Variants in PHACTR1 observed in about 807,000 individuals in gnomAD.
The protein encoded by PHACTR1 is phosphatase and actin regulator 1, also known as RPEL repeat containing 1.
Under a neutral mutation model 69.2 loss-of-function variants are expected in PHACTR1, and 16 were observed. The ratio of observed to expected loss-of-function variants is 0.23; its 90% CI spans 0.16 to 0.35. The LOEUF is 0.35. Among genes scored for constraint, PHACTR1 ranks in the 10% least tolerant of loss-of-function variants. The pLI is 1.00. For synonymous variants in PHACTR1, 312 were observed against 284.5 expected, an observed-to-expected ratio of 1.10 and a Z score of -0.97; for missense variants, 510 against 734.7, an observed-to-expected ratio of 0.69 and a Z score of 3.54.
intron 3 of PHACTR1, among the ~76,000 whole-genome samples, chr6:12,726,261 A>C (rs539058069): frequency 5.3e-5 from 8 of 152,162 alleles, no homozygotes; most frequent in Non-Finnish European, 4.4e-5. Context: ...TTGATATAGA[A>C]TAGTCTGGGA....
At chr6:12,768,809 TAC>T (rs4053038) in intron 4 of PHACTR1, among the ~76,000 whole-genome samples, 21,267 of 122,496 alleles carry the variant, frequency 0.17, 1,718 homozygotes, top group Middle Eastern at 0.23. Context: ...ATGTGCTATC[TAC>T]ACACACACAC....
At chr6:12,777,369 G>C (rs968777106) in intron 4 of PHACTR1, among the ~76,000 whole-genome samples, 2 of 151,864 alleles carry the variant, frequency 1.3e-5, no homozygotes, top group African/African-American at 4.8e-5. Context: ...TACCCAATAG[G>C]TAGTTTTTCA....
chr6:12,873,095 G>A (rs753250880), intron 4 of PHACTR1, among the ~76,000 whole-genome samples: 4 of 151,638 alleles, frequency 2.6e-5, no homozygotes, highest in East Asian at 1.9e-4. Context: ...TCACTGCAGC[G>A]TCAACTCCTG....
At chr6:12,854,807 T>C (rs1561948024) in intron 4 of PHACTR1, among the ~76,000 whole-genome samples, 1 of 152,104 alleles carries the variant, frequency 6.6e-6, no homozygotes, top group Non-Finnish European at 1.5e-5. Context: ...TTGACTTGCA[T>C]CAGAGAGATG....
rs747937897 is a variant in PHACTR1 at position 13,025,671 on chromosome 6, T to TTGTGTGTGTATGTG, written c.251-27685_251-27684insATGTGTGTGTGTGT. 3.9e-4 allele frequency among the ~76,000 whole-genome samples: 54 copies of TTGTGTGTGTATGTG among 140,220 alleles called. 1 individual carries two copies. Among genetic ancestry groups the TTGTGTGTGTATGTG allele is most frequent in the African/African-American group, 1.4e-3 (51 of 36,758 alleles). The allele number at this position is 140,220 out of a possible 152,430, so 92.0% of individuals were successfully genotyped here. A position where few individuals can be genotyped will look rare whatever the true frequency, so the allele number is the denominator to read the frequency against. ...CATAACCAGATAAGTCATATATTAT[T>TTGTGTGTGTATGTG]TGTGTGTGTGTGTGTGTGTGTGTGT... On this transcript the variant is annotated intron_variant, in intron 4 of 14. Coordinates refer to ENST00000332995, the MANE Select transcript of PHACTR1 (RefSeq NM_030948.6).
chr6:12,839,376 C>A (rs1778470590), intron 4 of PHACTR1, among the ~76,000 whole-genome samples: 4 of 152,148 alleles, frequency 2.6e-5, no homozygotes. Flanking sequence ...TCATTCCTTC[C>A]CTTCAAGTCA....
At chr6:12,781,532 T>G (rs1401669161) in intron 4 of PHACTR1, among the ~76,000 whole-genome samples, 3 of 152,228 alleles carry the variant, frequency 2.0e-5, no homozygotes, top group African/African-American at 7.2e-5. Flanking sequence ...TCATTAAGCA[T>G]GTCCACTGTT....
At chr6:12,837,426 T>C (rs1371919154) in intron 4 of PHACTR1, among the ~76,000 whole-genome samples, 1 of 125,314 alleles carries the variant, frequency 8.0e-6, no homozygotes, top group Non-Finnish European at 1.7e-5. Flanking sequence ...TTATTTCAAA[T>C]ATTATCTGCC....
At chr6:13,126,526 C>T (rs1819551444) in intron 5 of PHACTR1, among the ~76,000 whole-genome samples, 1 of 152,112 alleles carries the variant, frequency 6.6e-6, no homozygotes, top group African/African-American at 2.4e-5. Context: ...GCCTCTTAGC[C>T]CTAGAACCAA....
intron 4 of PHACTR1, chr6:12,933,882 A>G: frequency 6.2e-7 from 1 of 1,612,506 alleles, no homozygotes; most frequent in Non-Finnish European, 8.5e-7. Context: ...GAGGGGGAAG[A>G]GTTTGGCTGA....
intron 5 of PHACTR1, among the ~76,000 whole-genome samples, chr6:13,079,372 G>T (rs553283036): frequency 6.6e-6 from 1 of 152,096 alleles, no homozygotes; most frequent in Non-Finnish European, 1.5e-5. Flanking sequence ...TTCCATGTGG[G>T]CATATTTACA....
Position 13,224,575 on chromosome 6 carries a change from T to G in PHACTR1, c.987-3241T>G, listed in dbSNP as rs79614464. Among the ~76,000 whole-genome samples, 6 of 152,172 alleles carry G rather than the reference T, an allele frequency of 3.9e-5. No homozygotes were observed. In the East Asian group the frequency reaches 1.2e-3, roughly 29 times the overall value. On this transcript the variant is annotated intron_variant, in intron 8 of 14. Coordinates refer to ENST00000332995, the MANE Select transcript of PHACTR1 (RefSeq NM_030948.6). ...AATGAGAGCCTGTATTTAGAGCAGA[T>G]GTAGGTAATAACTATGTTATAAAAA... is the stretch of plus-strand genomic sequence containing the variant.
At chr6:12,886,217 C>G (rs527835621) in intron 4 of PHACTR1, among the ~76,000 whole-genome samples, 26 of 151,564 alleles carry the variant, frequency 1.7e-4, no homozygotes, top group Admixed American at 1.6e-3. Context: ...AAGCAAACCA[C>G]AAGTGCATAT....
intron 4 of PHACTR1, among the ~76,000 whole-genome samples, chr6:13,037,568 A>G (rs982511139): frequency 1.3e-5 from 2 of 152,196 alleles, no homozygotes; most frequent in Admixed American, 6.5e-5. Flanking sequence ...GGCAGAAATG[A>G]TGGGTTTCTT....
intron 8 of PHACTR1, among the ~76,000 whole-genome samples, chr6:13,225,792 G>GGAGA (rs1302556031): frequency 6.6e-6 from 1 of 152,174 alleles, no homozygotes; most frequent in East Asian, 1.9e-4. Context: ...ACCAAAAAGT[G>GGAGA]GAGAGAGGAA....
chr6:12,897,398 C>T (rs75886429), intron 4 of PHACTR1, among the ~76,000 whole-genome samples: 1 of 152,036 alleles, frequency 6.6e-6, no homozygotes, highest in Admixed American at 6.6e-5. Flanking sequence ...TTTTGGGGAC[C>T]TCCTCTATCA....
chr6:12,871,570 A>T (rs1299008161), intron 4 of PHACTR1, among the ~76,000 whole-genome samples: 1 of 151,938 alleles, frequency 6.6e-6, no homozygotes, highest in African/African-American at 2.4e-5. Flanking sequence ...ATGCTTCTCT[A>T]TACCTGATAT....
intron 4 of PHACTR1, among the ~76,000 whole-genome samples, chr6:12,802,372 C>T (rs2127679205): frequency 2.0e-5 from 3 of 152,056 alleles, no homozygotes; most frequent in Admixed American, 2.0e-4. Flanking sequence ...CAAAAAGCTA[C>T]ACACAAAATT....
chr6:12,861,651 T>C (rs1235893153), intron 4 of PHACTR1, among the ~76,000 whole-genome samples: 1 of 152,250 alleles, frequency 6.6e-6, no homozygotes, highest in East Asian at 1.9e-4. Context: ...AAGTCAGTTA[T>C]GAACATGTAA....
Sources: gnomAD v4.1 joint callset for allele counts (sites outside exome capture counted in the v4.1 genomes callset) on GRCh38, gnomAD v4.1.1 for gene constraint, MANE v1.5 for transcripts, NCBI Gene and HGNC (gene_info 2026-07-23, HGNC 2026-07-21) for gene names.